Variants in YTHDC2 observed in about 807,000 individuals in gnomAD.
The protein encoded by YTHDC2 is 3'-5' RNA helicase YTHDC2.
A neutral mutation model predicts 174.9 loss-of-function variants in YTHDC2; 45 were observed. That is an observed-to-expected ratio of 0.26 (90% CI 0.20 to 0.33). YTHDC2 has a LOEUF of 0.33. YTHDC2 is among the 10% of genes least tolerant of loss of function. The pLI is 1.00. For synonymous variants in YTHDC2, 657 were observed against 574.5 expected, an observed-to-expected ratio of 1.14 and a Z score of -2.05; for missense variants, 1,650 against 1,723.7, an observed-to-expected ratio of 0.96 and a Z score of 0.76.
At chr5:113,518,538 A>G (rs1254088677) in intron 2 of YTHDC2, among the ~76,000 whole-genome samples, 1 of 148,130 alleles carries the variant, frequency 6.8e-6, no homozygotes, top group East Asian at 2.0e-4. Context: ...AACTTTATTG[A>G]TTCAGTAAGT....
chr5:113,542,926 CTT>C (rs1775588945), intron 10 of YTHDC2, among the ~76,000 whole-genome samples: 1 of 152,206 alleles, frequency 6.6e-6, no homozygotes, highest in Non-Finnish European at 1.5e-5. Flanking sequence ...ACTCAGTTAA[CTT>C]CCAGTATTTC....
At chr5:113,536,305 C>G (rs1375868334) in intron 7 of YTHDC2, among the ~76,000 whole-genome samples, 2 of 152,196 alleles carry the variant, frequency 1.3e-5, no homozygotes, top group African/African-American at 4.8e-5. Flanking sequence ...GCAGGTGGAT[C>G]ACGAGTTCAG....
At chr5:113,520,741 C>T (rs1165019587) in intron 2 of YTHDC2, among the ~76,000 whole-genome samples, 1 of 152,124 alleles carries the variant, frequency 6.6e-6, no homozygotes, top group Non-Finnish European at 1.5e-5. Context: ...AGCATGCCTC[C>T]ATTTGTGTAC....
At chr5:113,539,737 G>A (rs1296605429) in intron 8 of YTHDC2, among the ~76,000 whole-genome samples, 2 of 152,002 alleles carry the variant, frequency 1.3e-5, no homozygotes, top group Non-Finnish European at 2.9e-5. Flanking sequence ...TTGGCTTCAA[G>A]CTTTGATACC....
intron 21 of YTHDC2, 80 bp from the exon 22 acceptor site, chr5:113,567,012 G>T: frequency 7.0e-7 from 1 of 1,425,894 alleles, no homozygotes; most frequent in Non-Finnish European, 9.4e-7. Context: ...ATTTACATGA[G>T]TTGTACAAGT....
At chr5:113,517,708 T>C (rs1236544154) in intron 2 of YTHDC2, 3 of 394,088 alleles carry the variant, frequency 7.6e-6, no homozygotes, top group Non-Finnish European at 1.5e-5. Context: ...TTTTCATCTT[T>C]GAGTAAACTT....
chr5:113,552,647 AT>A (rs1270883505), intron 12 of YTHDC2, among the ~76,000 whole-genome samples: 4 of 151,916 alleles, frequency 2.6e-5, no homozygotes, highest in African/African-American at 9.7e-5. Context: ...ATGTGGATAT[AT>A]TTTTTTCATT....
chr5:113,579,781 C>G, intron 24 of YTHDC2, 86 bp downstream of exon 24: 2 of 1,369,076 alleles, frequency 1.5e-6, no homozygotes, highest in Non-Finnish European at 1.9e-6. Context: ...TTTTTCTTTA[C>G]TATTGAGCCC....
rs558286518 is a variant in YTHDC2 at position 113,522,273 on chromosome 5, G to T, written c.279-2708G>T. 4.0e-5 allele frequency among the ~76,000 whole-genome samples: 6 copies of T among 151,664 alleles called. No individual in the cohort carries two copies. In the South Asian group the frequency reaches 8.3e-4, roughly 21 times the overall value. ...AAACTGTTCTTAGATTTACAAGTAG[G>T]GAATATTGAAGCATATGTTTGTATT... On this transcript the variant is annotated intron_variant, in intron 2 of 29. Transcript: ENST00000161863.
At chr5:113,584,133 A>G in intron 25 of YTHDC2, 169 bp from the exon 26 acceptor site, 1 of 507,044 alleles carries the variant, frequency 2.0e-6, no homozygotes, top group East Asian at 3.1e-5. Context: ...TGCCATAGAC[A>G]TCTATATTTC....
At chr5:113,530,990 C>A (rs1269950937) in intron 4 of YTHDC2, among the ~76,000 whole-genome samples, 1 of 152,162 alleles carries the variant, frequency 6.6e-6, no homozygotes, top group Non-Finnish European at 1.5e-5. Flanking sequence ...TTCCCGCCCC[C>A]CAACTCCTTC....
rs1450911790 is a variant in YTHDC2 at position 113,526,646 on chromosome 5, T to C, written c.536T>C (p.Val179Ala). ...RLNNGIPQIP[V>A]KRGESEFDSF... ...AACAATGGCATACCTCAGATTCCAG[T>C]GAAAAGAGGAGAATCCGAATTTGAT... The change falls in exon 4 of 30, where the codon GTG (valine) becomes GCG (alanine). Residue 179 changes from valine to alanine, a missense_variant. Around this residue, in one of 5 missense-constraint regions of YTHDC2, gnomAD observed 304 missense variants for 341.4 expected, o/e 0.89. Transcript: ENST00000161863. The C allele has an allele frequency of 1.9e-6, 3 of 1,605,672 alleles. No homozygotes were observed. The South Asian group carries it at 3.3e-5, about 18-fold the overall frequency.
chr5:113,573,668 T>C lies in YTHDC2; in HGVS notation c.3244+5819T>C, dbSNP rs547696282. Among the ~76,000 whole-genome samples the C allele has an allele frequency of 1.9e-4, 29 of 152,322 alleles. 1 individual carries two copies. Among genetic ancestry groups the C allele is most frequent in the African/African-American group, 6.5e-4 (27 of 41,574 alleles). Reference sequence around the variant, plus strand: ...TCTTGGAGGTTTTGTTCATTTCTTTTTTCATTCTTTTTTCTCTATTCTTGT... The same window carrying C: ...TCTTGGAGGTTTTGTTCATTTCTTTCTTCATTCTTTTTTCTCTATTCTTGT... On this transcript the variant is annotated intron_variant, in intron 23 of 29. Coordinates refer to ENST00000161863, the MANE Select transcript of YTHDC2 (RefSeq NM_022828.5).
intron 2 of YTHDC2, among the ~76,000 whole-genome samples, chr5:113,517,759 C>A (rs946643162): frequency 6.6e-6 from 1 of 152,100 alleles, no homozygotes; most frequent in African/African-American, 2.4e-5. Context: ...TTTTCAAATG[C>A]CTTTTCTTCT....
chr5:113,548,982 T>C lies in YTHDC2; in HGVS notation c.1650T>C (p.Phe550=), dbSNP rs1235381453. The C allele has an allele frequency of 2.5e-6, 4 of 1,613,144 alleles. No homozygotes were observed. The highest frequency in any genetic ancestry group is 3.4e-6 in the Non-Finnish European group (4 of 1,179,498). ...TGGCATTGGATTGGGCTAAACACTT[T>C]GGGCAGACTGAAATTGTGGATCTTC... ...GWMALDWAKH[F]GQTEIVDLLE... is the part of the protein sequence containing the mutation. The change falls in exon 12 of 30, where the codon TTT becomes TTC. Residue 550 remains phenylalanine (F), a synonymous_variant. Coordinates refer to ENST00000161863, the MANE Select transcript of YTHDC2 (RefSeq NM_022828.5).
At chr5:113,542,201 T>C (rs1775534036) in intron 9 of YTHDC2, among the ~76,000 whole-genome samples, 167 bp from the exon 10 acceptor site, 1 of 152,210 alleles carries the variant, frequency 6.6e-6, no homozygotes, top group South Asian at 2.1e-4. Flanking sequence ...AGATACTGTA[T>C]TGTGAGTGAT....
At chr5:113,548,829 T>A in intron 11 of YTHDC2, 126 bp from the exon 12 acceptor site, 1 of 1,146,054 alleles carries the variant, frequency 8.7e-7, no homozygotes, top group Non-Finnish European at 1.2e-6. Flanking sequence ...GTTTTTTAAC[T>A]ATAATTTATC....
intron 10 of YTHDC2, among the ~76,000 whole-genome samples, chr5:113,545,281 G>A (rs1020871543): frequency 1.3e-5 from 2 of 151,544 alleles, no homozygotes; most frequent in African/African-American, 2.4e-5. Flanking sequence ...AATAAGTGAG[G>A]GTTTTTTGAC....
chr5:113,567,638 T>C lies in YTHDC2; in HGVS notation c.3049-16T>C, dbSNP rs1341291807. ...TAAACACAATTAACAATTTTTAAAA[T>C]TTATTTTCTTAATAGATTCCTCCAG... is the stretch of plus-strand genomic sequence containing the variant. On this transcript the variant is annotated splice_polypyrimidine_tract_variant and intron_variant, in intron 22 of 29. Coordinates refer to ENST00000161863, the MANE Select transcript of YTHDC2 (RefSeq NM_022828.5). 7 of 1,562,044 alleles carry C rather than the reference T, an allele frequency of 4.5e-6. No homozygotes were observed. Among genetic ancestry groups the C allele is most frequent in the Non-Finnish European group, 6.0e-6 (7 of 1,159,920 alleles).
Sources: gnomAD v4.1 joint callset for allele counts (sites outside exome capture counted in the v4.1 genomes callset) on GRCh38, gnomAD v4.1.1 for gene constraint, gnomAD v4.1.1 regional missense constraint, MANE v1.5 for transcripts, NCBI Gene and HGNC (gene_info 2026-07-23, HGNC 2026-07-21) for gene names.